HELB: variants seen among roughly 807,000 people sequenced by gnomAD.
HELB encodes the protein DNA 5'-3' helicase B.
In HELB, 96 loss-of-function variants were observed where a neutral mutation model predicts 101.7. The ratio of observed to expected loss-of-function variants is 0.94; its 90% CI spans 0.80 to 1.12. The LOEUF is 1.12. Among genes scored for constraint, HELB ranks in the 50% most tolerant of loss-of-function variants. The pLI is 0.00. For synonymous variants in HELB, 437 were observed against 459.7 expected (o/e 0.95, Z 0.63); for missense variants, 1,210 against 1,291.9 (o/e 0.94, Z 0.97).
chr12:66,306,548 T>C, intron 3 of HELB, 34 bp downstream of exon 3: 2 of 1,439,946 alleles, frequency 1.4e-6, no homozygotes, highest in South Asian at 1.5e-5. Flanking sequence ...TATAGTAATC[T>C]TGTGTAAGGC....
intron 3 of HELB, among the ~76,000 whole-genome samples, chr12:66,309,386 ATAAC>A (rs1488119818): frequency 6.6e-6 from 1 of 152,222 alleles, no homozygotes; most frequent in African/African-American, 2.4e-5. Flanking sequence ...TCTGGAAGAA[ATAAC>A]TAAAGTGTTG....
chr12:66,327,100 G>A (rs1406749954), intron 11 of HELB, among the ~76,000 whole-genome samples: 2 of 133,518 alleles, frequency 1.5e-5, no homozygotes, highest in African/African-American at 5.7e-5. Flanking sequence ...TAGAAAGGAT[G>A]TCAAGTGAAA....
At chr12:66,337,343 T>G (rs1232904605) in intron 12 of HELB, among the ~76,000 whole-genome samples, 1 of 152,174 alleles carries the variant, frequency 6.6e-6, no homozygotes, top group African/African-American at 2.4e-5. Context: ...GAAATTAAAC[T>G]TGTCATCTCT....
chr12:66,315,361 C>G lies in HELB; in HGVS notation c.1978C>G (p.Leu660Val). The change falls in exon 6 of 13, where the codon CTC becomes GTC. Residue 660 changes from leucine (L) to valine (V), a missense_variant. Coordinates refer to ENST00000247815, the MANE Select transcript of HELB (RefSeq NM_001370285.1). ...GACAAACCATAGAGCAGAATCTCAG[C>G]TCATTGTGGACAATGCTACAAGGTA... ...LKTNHRAESQLIVDNATRISR... is the reference protein window; with the variant it reads ...LKTNHRAESQVIVDNATRISR... 6.3e-7 allele frequency: 1 copy of G among 1,599,778 alleles called. No homozygotes were observed. The highest frequency in any genetic ancestry group is 1.7e-5 in the Admixed American group (1 of 57,974).
At chr12:66,322,651 A>T in intron 8 of HELB, 73 bp from the exon 9 acceptor site, 1 of 873,508 alleles carries the variant, frequency 1.1e-6, no homozygotes, top group Non-Finnish European at 1.8e-6. Flanking sequence ...CTAGTATGTC[A>T]TAATTGCTGA....
rs763218921 is a variant in HELB at position 66,310,156 on chromosome 12, G to A, written c.1228G>A (p.Val410Ile). ...ATTGAATGAGAGCAAACCTGATGAA[G>A]TAAGATTAGAAAATCCTGTGGATGT... ...DALNESKPDE[V>I]RLENPVDVVD... Residue 410 changes from valine to isoleucine, a missense_variant, in exon 4 of 13, where the codon GTA becomes ATA. Val to Ile is a conservative substitution (Grantham distance 29, BLOSUM62 3). Coordinates refer to ENST00000247815, the MANE Select transcript of HELB (RefSeq NM_001370285.1). 3.7e-6 allele frequency: 6 copies of A among 1,614,116 alleles called. No individual in the cohort carries two copies. Among genetic ancestry groups the A allele is most frequent in the Non-Finnish European group, 5.1e-6 (6 of 1,180,040 alleles).
rs1463145217 is a variant in HELB at position 66,302,625 on chromosome 12, C to G, written c.22C>G (p.Leu8Val). 7.4e-6 allele frequency: 12 copies of G among 1,613,876 alleles called. No homozygotes were observed. The highest frequency in any genetic ancestry group is 1.3e-5 in the African/African-American group (1 of 74,944). ...AAGCATGGCCAGGTCGAGTCCGTAC[C>G]TGCGCCAACTTCAGGGACCTCTGCT... MARSSPY[L>V]RQLQGPLLPP... The change falls in exon 1 of 13, where the codon CTG (leucine) becomes GTG (valine). Residue 8 changes from leucine to valine, a missense_variant. Physicochemically the swap from Leu to Val is conservative, Grantham distance 32 (BLOSUM62 1). Transcript: ENST00000247815.
intron 12 of HELB, among the ~76,000 whole-genome samples, chr12:66,333,792 G>T (rs1030270006): frequency 1.3e-5 from 2 of 152,276 alleles, no homozygotes. Flanking sequence ...ACGGGAATGA[G>T]TTGGGATTTT....
Position 66,318,751 on chromosome 12 carries a change from A to C in HELB, c.2114A>C (p.Glu705Ala), listed in dbSNP as rs569173441. Residue 705 changes from glutamate (E) to alanine (A), a missense_variant, in exon 7 of 13, where the codon GAG (glutamate) becomes GCG (alanine). Transcript: ENST00000247815. ...TTTATTTTTGTCAGGCTCCCAGAAG[A>C]GGATGCCAGTTCTCAGTCATCTAAA... ...KTFIFVRLPE[E>A]DASSQSSKTN... is the part of the protein sequence containing the mutation. 6.2e-7 allele frequency: 1 copy of C among 1,610,904 alleles called. No homozygotes were observed. The highest frequency in any genetic ancestry group is 1.1e-5 in the South Asian group (1 of 90,456).
At chr12:66,308,347 G>A (rs1047114523) in intron 3 of HELB, among the ~76,000 whole-genome samples, 6 of 152,120 alleles carry the variant, frequency 3.9e-5, no homozygotes, top group African/African-American at 1.4e-4. Flanking sequence ...GTCAGGATCT[G>A]GAAGTGTTTT....
chr12:66,339,321 G>A (rs2053899370), downstream of HELB: 2 of 148,026 alleles, frequency 1.4e-5, no homozygotes, highest in Non-Finnish European at 3.0e-5. Context: ...TTTTTTTAAT[G>A]ATAGAGACAA....
chr12:66,303,285 A>T (rs1300871280), intron 1 of HELB, among the ~76,000 whole-genome samples: 1 of 151,916 alleles, frequency 6.6e-6, no homozygotes, highest in South Asian at 2.1e-4. Context: ...TGTAATTATT[A>T]TCCTATATTG....
chr12:66,331,494 C>G lies in HELB; in HGVS notation c.3011C>G (p.Ser1004Cys). 1 of 1,614,150 alleles carries G rather than the reference C, an allele frequency of 6.2e-7. No individual in the cohort carries two copies. The highest frequency in any genetic ancestry group is 8.5e-7 in the Non-Finnish European group (1 of 1,180,024). ...MTNDVTWSEA[S>C]SPDERTLTFA... ...AATGATGTCACCTGGAGCGAGGCCTCTTCGCCTGATGAGAGGACACTCACC... is the reference window on the plus strand; with the variant it reads ...AATGATGTCACCTGGAGCGAGGCCTGTTCGCCTGATGAGAGGACACTCACC... The change falls in exon 12 of 13, where the codon TCT becomes TGT. Residue 1004 changes from serine to cysteine, a missense_variant. Physicochemically the swap from Ser to Cys is moderately radical, Grantham distance 112. This residue lies in a region of HELB where 740 missense variants were observed against 728.8 expected (regional missense o/e 1.02). Transcript: ENST00000247815.
intron 6 of HELB, among the ~76,000 whole-genome samples, chr12:66,316,240 ACT>A (rs576465183): frequency 1.1e-3 from 161 of 152,130 alleles, no homozygotes; most frequent in African/African-American, 3.8e-3. Flanking sequence ...GTGTAAGTAC[ACT>A]CTATGCTATT....
At chr12:66,324,311 C>T (rs1021424250) in intron 10 of HELB, 100 bp downstream of exon 10, 4 of 874,208 alleles carry the variant, frequency 4.6e-6, no homozygotes, top group Non-Finnish European at 7.0e-6. Context: ...TATCAGTTGA[C>T]ATTCTTGTTT....
intron 3 of HELB, among the ~76,000 whole-genome samples, 177 bp downstream of exon 3, chr12:66,306,691 T>C (rs929722371): frequency 6.6e-6 from 1 of 152,178 alleles, no homozygotes; most frequent in African/African-American, 2.4e-5. Context: ...TAAGAAGCTA[T>C]AGCATAAGAA....
Position 66,331,603 on chromosome 12 carries a change from C to G in HELB, c.3120C>G (p.Thr1040=), listed in dbSNP as rs751652510. ...DLPKSRASKR[T]CGVNDDESPS... ...CAAAATCGCGAGCATCCAAAAGAAC[C>G]TGTGGTGTGAATGATGATGAAAGTC... is the stretch of plus-strand genomic sequence containing the variant. Residue 1040 remains threonine, a synonymous_variant, in exon 12 of 13, where the codon ACC becomes ACG. Transcript: ENST00000247815. 2 of 1,609,650 alleles carry G rather than the reference C, an allele frequency of 1.2e-6. No individual in the cohort carries two copies. Among genetic ancestry groups the G allele is most frequent in the Non-Finnish European group, 8.5e-7 (1 of 1,179,682 alleles).
At chr12:66,318,093 A>G (rs2053630198) in intron 6 of HELB, among the ~76,000 whole-genome samples, 1 of 152,232 alleles carries the variant, frequency 6.6e-6, no homozygotes, top group Non-Finnish European at 1.5e-5. Flanking sequence ...TATGTAGAAT[A>G]TACAGAGAAG....
rs780889561 is a variant in HELB, at chr12:66,338,103, T to C, written c.*1T>C. The C allele has an allele frequency of 2.0e-5, 30 of 1,463,740 alleles. No individual in the cohort carries two copies. Among genetic ancestry groups the C allele is most frequent in the Non-Finnish European group, 2.9e-5 (30 of 1,044,894 alleles). 90.7% of individuals were successfully genotyped at this position (1,463,740 alleles called of 1,614,324 possible). A position where few individuals can be genotyped will look rare whatever the true frequency, so the allele number is the denominator to read the frequency against. On this transcript the variant is annotated 3_prime_UTR_variant, in exon 13 of 13. Transcript: ENST00000247815. ...GCCCACCGATAATCAAGAAACTTAG[T>C]TTTATTTCAAATTGTTCCGAGTAAC...
Sources: allele counts gnomAD v4.1 joint callset (sites outside exome capture counted in the v4.1 genomes callset), GRCh38; gene constraint gnomAD v4.1.1; regional missense constraint gnomAD v4.1.1; transcripts MANE v1.5; gene names NCBI Gene and HGNC (gene_info 2026-07-23, HGNC 2026-07-21).